The following COLQ variants were observed in gnomAD, a reference collection of about 807,000 sequenced individuals.
The protein encoded by COLQ is acetylcholinesterase collagenic tail peptide.
Under a neutral mutation model 69.0 loss-of-function variants are expected in COLQ, and 48 were observed. The ratio of observed to expected loss-of-function variants is 0.70; its 90% CI spans 0.55 to 0.88. The LOEUF (loss-of-function observed/expected upper bound fraction) is 0.88. Among genes scored for constraint, COLQ ranks in the 40% least tolerant of loss-of-function variants. COLQ has a pLI of 0.00. For missense variants in COLQ, 618 were observed against 594.6 expected, an observed-to-expected ratio of 1.04 and a Z score of -0.41; for synonymous variants, 217 against 211.2, an observed-to-expected ratio of 1.03 and a Z score of -0.24.
rs540524859 is a variant in COLQ at position 15,492,722 on chromosome 3, T to C, written c.107-3085A>G. On this transcript the variant is annotated intron_variant, in intron 1 of 16. Coordinates refer to ENST00000383788, the MANE Select transcript of COLQ (RefSeq NM_005677.4). ...ATTCAGTTCTAGAATGAGATAATTATATATAAGTACGAATGTTCCTTGGGA... is the reference window on the plus strand; with the variant it reads ...ATTCAGTTCTAGAATGAGATAATTACATATAAGTACGAATGTTCCTTGGGA... Among the ~76,000 whole-genome samples the C allele has an allele frequency of 3.3e-5, 5 of 152,076 alleles. No individual in the cohort carries two copies. The South Asian group carries it at 1.0e-3, about 32-fold the overall frequency.
At chr3:15,502,113 A>ATTTTTT (rs61521157) in intron 1 of COLQ, among the ~76,000 whole-genome samples, 2 of 128,544 alleles carry the variant, frequency 1.6e-5, no homozygotes, top group African/African-American at 2.9e-5. Context: ...ACTTGCACTG[A>ATTTTTT]TTTTTTTTTT....
At chr3:15,511,995 G>A (rs1413354870) in intron 1 of COLQ, among the ~76,000 whole-genome samples, 1 of 152,204 alleles carries the variant, frequency 6.6e-6, no homozygotes, top group Non-Finnish European at 1.5e-5. Context: ...AAGTAGGATG[G>A]CCAATGTCGC....
rs182992909 is a variant in COLQ at position 15,504,090 on chromosome 3, A to G, written c.107-14453T>C. On this transcript the variant is annotated intron_variant, in intron 1 of 16. Coordinates refer to ENST00000383788, the MANE Select transcript of COLQ (RefSeq NM_005677.4). ...GTGTGCTGGTGGTCTTCAATCAAAC[A>G]TGGATTTACCTCCCCTATTCTATTC... 1.1e-4 allele frequency among the ~76,000 whole-genome samples: 16 copies of G among 152,234 alleles called. No individual in the cohort carries two copies. In the East Asian group the frequency reaches 3.1e-3, roughly 29 times the overall value.
intron 11 of COLQ, among the ~76,000 whole-genome samples, chr3:15,468,212 T>C (rs193109591): frequency 6.6e-6 from 1 of 152,230 alleles, no homozygotes; most frequent in East Asian, 1.9e-4. Context: ...GCCACGTCTC[T>C]ATCAGCAGGA....
rs374059685 is a variant in COLQ at position 15,453,824 on chromosome 3, C to A, written c.1298+5G>T. ...GGGAGAGGGAGGGAGGGGAGTCATC[C>A]CTACCCAGGGAGATAGGTCTCGCAT... is the stretch of plus-strand genomic sequence containing the variant. On this transcript the variant is annotated splice_donor_5th_base_variant and intron_variant, in intron 16 of 16. Transcript: ENST00000383788. 2 of 1,595,308 alleles carry A rather than the reference C, an allele frequency of 1.3e-6. No individual in the cohort carries two copies. The highest frequency in any genetic ancestry group is 2.3e-5 in the East Asian group (1 of 44,390).
At chr3:15,468,549 G>T (rs544113163) in intron 11 of COLQ, among the ~76,000 whole-genome samples, 2 of 152,166 alleles carry the variant, frequency 1.3e-5, no homozygotes, top group African/African-American at 4.8e-5. Context: ...GGCCAGGCTG[G>T]TCTCGAACTC....
chr3:15,507,948 G>A (rs911207319), intron 1 of COLQ, among the ~76,000 whole-genome samples: 21 of 151,664 alleles, frequency 1.4e-4, no homozygotes, highest in Non-Finnish European at 2.8e-4. Context: ...GTTTGTTTTG[G>A]CCTTTTGAGT....
intron 1 of COLQ, among the ~76,000 whole-genome samples, chr3:15,513,885 A>G (rs1050794545): frequency 6.6e-6 from 1 of 152,210 alleles, no homozygotes; most frequent in Non-Finnish European, 1.5e-5. Flanking sequence ...TGTAGATATG[A>G]TTAAATTAAG....
intron 6 of COLQ, 91 bp downstream of exon 6, chr3:15,477,035 T>C: frequency 8.2e-7 from 1 of 1,222,836 alleles, no homozygotes; most frequent in Non-Finnish European, 1.2e-6. Context: ...AAGAAGGGAT[T>C]CCCTGACTAT....
intron 1 of COLQ, among the ~76,000 whole-genome samples, chr3:15,504,298 A>G (rs1000719329): frequency 6.6e-6 from 1 of 152,196 alleles, no homozygotes; most frequent in African/African-American, 2.4e-5. Context: ...TAAACAACAG[A>G]GACTTGTTTC....
chr3:15,481,882 C>T (rs1461255397), intron 3 of COLQ, among the ~76,000 whole-genome samples: 2 of 152,134 alleles, frequency 1.3e-5, no homozygotes, highest in Non-Finnish European at 2.9e-5. Flanking sequence ...TGTTCTCTTT[C>T]ATTTCATTGA....
intron 1 of COLQ, among the ~76,000 whole-genome samples, chr3:15,515,278 T>C (rs941449367): frequency 5.3e-5 from 8 of 152,206 alleles, no homozygotes; most frequent in Non-Finnish European, 7.3e-5. Flanking sequence ...GAGACTATTA[T>C]ATCCATTCTT....
At chr3:15,478,820 G>T in intron 5 of COLQ, 157 bp downstream of exon 5, 1 of 869,130 alleles carries the variant, frequency 1.2e-6, no homozygotes, top group Non-Finnish European at 1.9e-6. Flanking sequence ...AAAGGGCAAG[G>T]TTACTACTGT....
chr3:15,481,107 T>C (rs2062476363), intron 3 of COLQ, among the ~76,000 whole-genome samples: 1 of 152,230 alleles, frequency 6.6e-6, no homozygotes, highest in Admixed American at 6.5e-5. Context: ...ATATTAGCCC[T>C]TTGTCAGATG....
At position 15,450,309 on chromosome 3, in the gene COLQ, C is replaced by T. The variant is rs942318875; in HGVS notation, c.*1335G>A. 1 of 153,714 alleles carries T rather than the reference C, an allele frequency of 6.5e-6. No individual in the cohort carries two copies. The highest frequency in any genetic ancestry group is 2.4e-5 in the African/African-American group (1 of 41,434). The allele number at this position is 153,714 out of a possible 1,614,324, so 9.5% of individuals were successfully genotyped here. On this transcript the variant is annotated 3_prime_UTR_variant, in exon 17 of 17. Transcript: ENST00000383788. ...TCAGGTTGATGTCACCTGTGGGAGA[C>T]CGGGTCCACCTACAGACACCAGGTG...
At chr3:15,502,256 C>T (rs556398616) in intron 1 of COLQ, among the ~76,000 whole-genome samples, 5 of 151,954 alleles carry the variant, frequency 3.3e-5, no homozygotes, top group Non-Finnish European at 7.4e-5. Context: ...GCTGGGATTA[C>T]AGGCACCTGC....
chr3:15,503,831 TCCA>T (rs930303816), intron 1 of COLQ, among the ~76,000 whole-genome samples: 6 of 151,922 alleles, frequency 3.9e-5, no homozygotes, highest in Admixed American at 1.3e-4. Flanking sequence ...GAGATCTTCC[TCCA>T]CCACCACCAC....
chr3:15,463,309 GT>G (rs2062149482), intron 12 of COLQ, among the ~76,000 whole-genome samples: 1 of 150,760 alleles, frequency 6.6e-6, no homozygotes, highest in African/African-American at 2.4e-5. Context: ...GTTTTTTTTG[GT>G]TTTGGTTTTG....
intron 3 of COLQ, among the ~76,000 whole-genome samples, chr3:15,483,403 G>T (rs1383709654): frequency 1.3e-5 from 2 of 152,098 alleles, no homozygotes; most frequent in African/African-American, 4.8e-5. Context: ...AGAGATTCTG[G>T]TATGTTGTGT....
Sources: gnomAD v4.1 joint callset for allele counts (sites outside exome capture counted in the v4.1 genomes callset) on GRCh38, gnomAD v4.1.1 for gene constraint, MANE v1.5 for transcripts, NCBI Gene and HGNC (gene_info 2026-07-23, HGNC 2026-07-21) for gene names.